Variants in SLIT1 observed in about 807,000 individuals in gnomAD.
SLIT1 encodes the protein slit guidance ligand 1, also known as slit homolog 1 protein.
A neutral mutation model predicts 186.1 loss-of-function variants in SLIT1; 66 were observed. That is an observed-to-expected ratio of 0.35 (90% CI 0.29 to 0.44). SLIT1 has a LOEUF of 0.44. Among genes scored for constraint, SLIT1 ranks in the 20% least tolerant of loss-of-function variants. The probability of loss-of-function intolerance (pLI) is 1.00; values close to 1 mark genes in which losing one functional copy is unlikely to be tolerated. For missense variants in SLIT1, 1,638 were observed against 2,037.4 expected, an observed-to-expected ratio of 0.80 and a Z score of 3.77; for synonymous variants, 761 against 833.8, an observed-to-expected ratio of 0.91 and a Z score of 1.50.
chr10:97,179,764 A>G (rs1850306053), intron 1 of SLIT1, among the ~76,000 whole-genome samples: 1 of 149,758 alleles, frequency 6.7e-6, no homozygotes, highest in African/African-American at 2.5e-5. Flanking sequence ...GGGGGTCATG[A>G]GCTCCGTCAA....
intron 1 of SLIT1, among the ~76,000 whole-genome samples, chr10:97,173,010 T>C (rs1850210724): frequency 6.6e-6 from 1 of 151,978 alleles, no homozygotes; most frequent in East Asian, 1.9e-4. Flanking sequence ...CAAATGGACA[T>C]CACCCCAAAA....
intron 25 of SLIT1, among the ~76,000 whole-genome samples, chr10:97,023,366 C>T (rs1848518019): frequency 6.6e-6 from 1 of 151,808 alleles, no homozygotes; most frequent in Admixed American, 6.6e-5. Context: ...GCACCTGGCT[C>T]CTTTTTGTGT....
rs1848480334 is a variant in SLIT1, at chr10:97,019,062, G to A, written c.2792C>T (p.Ser931Phe). Residue 931 changes from serine (S) to phenylalanine (F), a missense_variant, in exon 27 of 37, where the codon TCC becomes TTC. By Grantham distance (155) the Ser-to-Phe change is radical. Transcript: ENST00000266058. ...GGTGCCCTGGTTCTGGCACGGACTG[G>A]ACAAGCAGAGATCACACTTGGCCTG... Reference protein sequence around the residue: ...AVQAKCDLCLSSPCQNQGTCH... With the variant: ...AVQAKCDLCLFSPCQNQGTCH... 7 of 1,613,868 alleles carry A rather than the reference G, an allele frequency of 4.3e-6. No individual in the cohort carries two copies. Among genetic ancestry groups the A allele is most frequent in the Admixed American group, 3.3e-5 (2 of 60,002 alleles).
chr10:97,065,542 G>A, intron 5 of SLIT1: 1 of 160,146 alleles, frequency 6.2e-6, no homozygotes, highest in South Asian at 1.9e-4. Context: ...TTATTTCCAT[G>A]TTTCATTTAA....
At chr10:97,069,010 A>G (rs188000477) in intron 4 of SLIT1, among the ~76,000 whole-genome samples, 88 of 152,340 alleles carry the variant, frequency 5.8e-4, no homozygotes, top group African/African-American at 1.8e-3. Flanking sequence ...TCTGCTTCAT[A>G]TAAGAAATTG....
At chr10:97,118,446 C>T (rs555138508) in intron 4 of SLIT1, among the ~76,000 whole-genome samples, 7 of 152,254 alleles carry the variant, frequency 4.6e-5, no homozygotes, top group African/African-American at 1.4e-4. Context: ...CTGCAGGCTT[C>T]GGGCACACTC....
intron 4 of SLIT1, among the ~76,000 whole-genome samples, chr10:97,148,568 C>A (rs1167086280): frequency 1.3e-5 from 2 of 152,172 alleles, no homozygotes; most frequent in Non-Finnish European, 2.9e-5. Flanking sequence ...GCGTGAGCCA[C>A]CATGCCTGGC....
At chr10:97,120,080 T>C (rs1849547568) in intron 4 of SLIT1, among the ~76,000 whole-genome samples, 1 of 151,856 alleles carries the variant, frequency 6.6e-6, no homozygotes, top group Non-Finnish European at 1.5e-5. Context: ...TTAATCCTTA[T>C]GAATACCCAA....
At chr10:97,088,192 G>A (rs1849187853) in intron 4 of SLIT1, among the ~76,000 whole-genome samples, 1 of 151,478 alleles carries the variant, frequency 6.6e-6, no homozygotes, top group South Asian at 2.1e-4. Context: ...GATTCCACAG[G>A]GCAGCCAGGG....
At chr10:97,067,203 T>A (rs1848955929) in intron 4 of SLIT1, among the ~76,000 whole-genome samples, 1 of 152,014 alleles carries the variant, frequency 6.6e-6, no homozygotes, top group South Asian at 2.1e-4. Context: ...CACCTCCCCA[T>A]GAACGCCCTG....
At chr10:97,101,562 G>T (rs1051527629) in intron 4 of SLIT1, 2 of 152,236 alleles carry the variant, frequency 1.3e-5, no homozygotes, top group Non-Finnish European at 2.9e-5. Flanking sequence ...TCTTCCCATC[G>T]CCCCCGCCCA....
intron 4 of SLIT1, among the ~76,000 whole-genome samples, chr10:97,095,455 G>C (rs189855977): frequency 6.6e-6 from 1 of 152,250 alleles, no homozygotes; most frequent in African/African-American, 2.4e-5. Context: ...CACCCATTTT[G>C]CACCTTGCTT....
chr10:97,057,770 A>C, intron 11 of SLIT1: 1 of 488,402 alleles, frequency 2.0e-6, no homozygotes, highest in Non-Finnish European at 3.7e-6. Flanking sequence ...ATACTTTAGC[A>C]TTTTCAAAGT....
chr10:97,155,878 C>G (rs1208590239), intron 4 of SLIT1, among the ~76,000 whole-genome samples: 2 of 152,218 alleles, frequency 1.3e-5, no homozygotes, highest in Non-Finnish European at 2.9e-5. Context: ...AGAGAAAGAA[C>G]AGCAGAGAGA....
At chr10:97,049,290 C>A (rs1054854914) in intron 13 of SLIT1, among the ~76,000 whole-genome samples, 172 bp from the exon 14 acceptor site, 1 of 152,144 alleles carries the variant, frequency 6.6e-6, no homozygotes. Flanking sequence ...GGGTGCAGCC[C>A]ACCACCTCTG....
intron 1 of SLIT1, among the ~76,000 whole-genome samples, chr10:97,166,408 C>T (rs1233731641): frequency 6.6e-6 from 1 of 150,996 alleles, no homozygotes; most frequent in Non-Finnish European, 1.5e-5. Flanking sequence ...CCCAGCTACT[C>T]GGGAGGCTGA....
intron 12 of SLIT1, 98 bp downstream of exon 12, chr10:97,057,112 C>A: frequency 1.1e-6 from 1 of 887,022 alleles, no homozygotes; most frequent in Non-Finnish European, 1.8e-6. Flanking sequence ...TCAATTGAGT[C>A]CCATACCCAA....
intron 4 of SLIT1, among the ~76,000 whole-genome samples, chr10:97,138,785 A>AT (rs1358782279): frequency 6.6e-6 from 1 of 152,172 alleles, no homozygotes; most frequent in African/African-American, 2.4e-5. Flanking sequence ...AGTATAATTG[A>AT]TATGTGTGCA....
chr10:97,115,170 G>C (rs746977654), intron 4 of SLIT1, among the ~76,000 whole-genome samples: 1 of 152,216 alleles, frequency 6.6e-6, no homozygotes, highest in Non-Finnish European at 1.5e-5. Context: ...CCCAGTGCAG[G>C]GGCCCCTTCC....
Sources: gnomAD v4.1 joint callset for allele counts (sites outside exome capture counted in the v4.1 genomes callset) on GRCh38, gnomAD v4.1.1 for gene constraint, MANE v1.5 for transcripts, NCBI Gene and HGNC (gene_info 2026-07-23, HGNC 2026-07-21) for gene names.